Variants in PDS5B observed in about 807,000 individuals in gnomAD.
PDS5B encodes PDS5 cohesin associated factor B.
In PDS5B, 51 loss-of-function variants were observed where a neutral mutation model predicts 184.1. The observed-to-expected ratio is 0.28, with a 90% CI of 0.22 to 0.35. The LOEUF is 0.35. PDS5B is among the 10% of genes least tolerant of loss of function. The probability of loss-of-function intolerance (pLI) is 1.00; values close to 1 mark genes in which losing one functional copy is unlikely to be tolerated. For missense variants in PDS5B, 1,180 were observed against 1,723.3 expected, an observed-to-expected ratio of 0.68 and a Z score of 5.58; for synonymous variants, 566 against 569.2, an observed-to-expected ratio of 0.99 and a Z score of 0.08.
intron 19 of PDS5B, among the ~76,000 whole-genome samples, chr13:32,720,258 A>G (rs977190646): frequency 1.3e-5 from 2 of 152,188 alleles, no homozygotes; most frequent in African/African-American, 2.4e-5. Flanking sequence ...AATATAAGCA[A>G]TTATGTGATG....
chr13:32,700,144 A>C (rs528104593), intron 16 of PDS5B, among the ~76,000 whole-genome samples: 54 of 152,272 alleles, frequency 3.5e-4, no homozygotes, highest in African/African-American at 1.1e-3. Flanking sequence ...CACTGAATAC[A>C]TGTACTATAA....
chr13:32,705,391 G>T (rs542641445), intron 17 of PDS5B, among the ~76,000 whole-genome samples: 53 of 152,274 alleles, frequency 3.5e-4, no homozygotes, highest in Middle Eastern at 3.4e-3. Flanking sequence ...GGGAAAATGA[G>T]CAGAAAAAGA....
intron 19 of PDS5B, among the ~76,000 whole-genome samples, chr13:32,723,995 T>A (rs1216296334): frequency 1.3e-5 from 2 of 152,230 alleles, no homozygotes; most frequent in Non-Finnish European, 2.9e-5. Context: ...CTCCACACAC[T>A]CCCTTGCTCC....
At chr13:32,607,499 C>T (rs1003332611) in intron 1 of PDS5B, among the ~76,000 whole-genome samples, 36 of 152,340 alleles carry the variant, frequency 2.4e-4, no homozygotes, top group African/African-American at 7.2e-4. Flanking sequence ...TTAGGCTACT[C>T]GGGGGTCAGG....
Position 32,600,225 on chromosome 13 carries a change from TTGTC to T in PDS5B, c.-20+13636_-20+13639del, listed in dbSNP as rs138145652. ...TGTTTTGAAGTCCTTGTTTATTCCT[TTGTC>T]TGTATTAATGGACTTTTGACTCTTT... is the stretch of plus-strand genomic sequence containing the variant. On this transcript the variant is annotated intron_variant, in intron 1 of 34. Transcript: ENST00000315596. Among the ~76,000 whole-genome samples, 271 of 152,354 alleles carry T rather than the reference TTGTC, an allele frequency of 1.8e-3. 6 individuals carry two copies. The East Asian group carries it at 0.044, about 25-fold the overall frequency.
At chr13:32,726,229 A>G (rs943492973) in intron 19 of PDS5B, among the ~76,000 whole-genome samples, 1 of 151,802 alleles carries the variant, frequency 6.6e-6, no homozygotes, top group African/African-American at 2.4e-5. Flanking sequence ...AATAAGATAA[A>G]CTATATACAC....
intron 6 of PDS5B, among the ~76,000 whole-genome samples, chr13:32,667,162 T>C (rs182732701): frequency 1.1e-4 from 16 of 152,326 alleles, no homozygotes; most frequent in Non-Finnish European, 4.4e-5. Flanking sequence ...ATTTTTTATC[T>C]TTACTTCCTT....
At chr13:32,727,978 T>C (rs1952969017) in intron 19 of PDS5B, among the ~76,000 whole-genome samples, 1 of 152,014 alleles carries the variant, frequency 6.6e-6, no homozygotes, top group Non-Finnish European at 1.5e-5. Flanking sequence ...TATTTTTTTC[T>C]TGCCCTTTTT....
At chr13:32,649,570 T>C (rs987504840) in intron 2 of PDS5B, 11 of 152,196 alleles carry the variant, frequency 7.2e-5, no homozygotes, top group Non-Finnish European at 1.6e-4. Flanking sequence ...TTGCTTGATA[T>C]ATTATTATTT....
intron 1 of PDS5B, among the ~76,000 whole-genome samples, chr13:32,633,833 T>C (rs1346330275): frequency 6.6e-6 from 1 of 152,240 alleles, no homozygotes; most frequent in Admixed American, 6.5e-5. Context: ...GTAGAATTAA[T>C]AGTTGTACTC....
chr13:32,651,399 T>C (rs920112509), intron 2 of PDS5B, among the ~76,000 whole-genome samples: 31 of 152,218 alleles, frequency 2.0e-4, no homozygotes, highest in Non-Finnish European at 5.9e-5. Context: ...TCTTTAGGCA[T>C]ATACTTTTTC....
Position 32,694,295 on chromosome 13 carries a change from G to A in PDS5B, c.1542G>A (p.Lys514=), listed in dbSNP as rs1160414217. The part of the protein sequence containing the change: ...HQVKDLLDLI[K]QPKTDASVKA... The stretch of plus-strand genomic sequence containing the variant: ...TAAAGGATTTGCTTGACTTGATTAA[G>A]CAACCCAAAGTAAGTAAGAATTTTT... The change falls in exon 14 of 35, where the codon AAG becomes AAA. Residue 514 remains lysine, a synonymous_variant. Transcript: ENST00000315596. The A allele has an allele frequency of 6.3e-7, 1 of 1,589,662 alleles. No homozygotes were observed. Among genetic ancestry groups the A allele is most frequent in the South Asian group, 1.1e-5 (1 of 87,298 alleles).
chr13:32,624,989 G>T (rs1189724320), intron 1 of PDS5B, among the ~76,000 whole-genome samples: 1 of 152,072 alleles, frequency 6.6e-6, no homozygotes, highest in African/African-American at 2.4e-5. Flanking sequence ...ACTTTTTTGA[G>T]CTCAGCAATG....
Position 32,775,355 on chromosome 13 carries a change from A to G in PDS5B, c.*303A>G, listed in dbSNP as rs1168086757. 2.7e-6 allele frequency: 1 copy of G among 370,018 alleles called. No homozygotes were observed. The highest frequency in any genetic ancestry group is 2.1e-5 in the African/African-American group (1 of 48,116). The allele number at this position is 370,018 out of a possible 1,614,324, so 22.9% of individuals were successfully genotyped here. A position where few individuals can be genotyped will look rare whatever the true frequency, so the allele number is the denominator to read the frequency against. Reference sequence around the variant, plus strand: ...TGTTTCTGATTTCTGAAGTGCTTGTATAGCTTTTATCTGCGGCTTTAAACT... The same window carrying G: ...TGTTTCTGATTTCTGAAGTGCTTGTGTAGCTTTTATCTGCGGCTTTAAACT... On this transcript the variant is annotated 3_prime_UTR_variant, in exon 35 of 35. Transcript: ENST00000315596.
At chr13:32,688,404 C>CT (rs1951455093) in intron 12 of PDS5B, 52 bp from the exon 13 acceptor site, 1 of 886,634 alleles carries the variant, frequency 1.1e-6, no homozygotes, top group Non-Finnish European at 1.8e-6. Flanking sequence ...TTATATACAA[C>CT]TTTAGAACAT....
At chr13:32,650,904 C>G (rs1198288592) in intron 2 of PDS5B, among the ~76,000 whole-genome samples, 1 of 152,216 alleles carries the variant, frequency 6.6e-6, no homozygotes, top group Non-Finnish European at 1.5e-5. Context: ...TGGCCAGCCC[C>G]ACTTGTTGCC....
intron 1 of PDS5B, among the ~76,000 whole-genome samples, chr13:32,594,851 A>G (rs756988562): frequency 6.6e-6 from 1 of 152,164 alleles, no homozygotes; most frequent in Non-Finnish European, 1.5e-5. Flanking sequence ...TGAAAAGGAT[A>G]CCAATATATG....
chr13:32,719,523 A>T (rs928484284), intron 19 of PDS5B, among the ~76,000 whole-genome samples: 1 of 151,846 alleles, frequency 6.6e-6, no homozygotes, highest in Admixed American at 6.6e-5. Flanking sequence ...GTTGCAAAAA[A>T]ATCTATGTGT....
chr13:32,745,919 G>T, intron 23 of PDS5B, 58 bp from the exon 24 acceptor site: 1 of 1,377,828 alleles, frequency 7.3e-7, no homozygotes, highest in Admixed American at 1.9e-5. Flanking sequence ...TAGATGTACA[G>T]AAGATTTTGT....
Sources: gnomAD v4.1 joint callset for allele counts (sites outside exome capture counted in the v4.1 genomes callset) on GRCh38, gnomAD v4.1.1 for gene constraint, MANE v1.5 for transcripts, NCBI Gene and HGNC (gene_info 2026-07-23, HGNC 2026-07-21) for gene names.